The following FUZ variants were observed in gnomAD, a reference collection of about 807,000 sequenced individuals.
FUZ encodes protein fuzzy homolog.
A neutral mutation model predicts 43.1 loss-of-function variants in FUZ; 31 were observed. The observed-to-expected ratio is 0.72, with a 90% CI of 0.54 to 0.97. The LOEUF (loss-of-function observed/expected upper bound fraction) is 0.97, where lower values mean the gene tolerates loss of function less well. FUZ is among the 50% of genes least tolerant of loss of function. The probability of loss-of-function intolerance (pLI) is 0.00; values close to 1 mark genes in which losing one functional copy is unlikely to be tolerated. For missense variants in FUZ, 539 were observed against 543.8 expected (o/e 0.99, Z 0.09); for synonymous variants, 274 against 250.0 (o/e 1.10, Z -0.91).
At chr19:49,807,428 A>G in intron 10 of FUZ, 54 bp from the exon 11 acceptor site, 1 of 1,512,134 alleles carries the variant, frequency 6.6e-7, no homozygotes, top group Non-Finnish European at 9.0e-7. Context: ...AACCTTTGCA[A>G]GCCACACCAC....
chr19:49,807,099 CAGAG>C lies in FUZ; in HGVS notation c.*48_*51del, dbSNP rs767296732. 7.4e-6 allele frequency: 10 copies of C among 1,353,318 alleles called. No individual in the cohort carries two copies. The highest frequency in any genetic ancestry group is 2.3e-5 in the South Asian group (2 of 87,478). 83.8% of individuals were successfully genotyped at this position (1,353,318 alleles called of 1,614,324 possible). A position where few individuals can be genotyped will look rare whatever the true frequency, so the allele number is the denominator to read the frequency against. ...CTGTGTATTATTGTGAGCGAATAAA[CAGAG>C]AGACGCTAACAGCCCCATGTCTGTG... On this transcript the variant is annotated 3_prime_UTR_variant, in exon 11 of 11. Coordinates refer to ENST00000313777, the MANE Select transcript of FUZ (RefSeq NM_025129.5).
intron 1 of FUZ, 29 bp from the exon 2 acceptor site, chr19:49,812,765 G>T: frequency 6.2e-7 from 1 of 1,611,498 alleles, no homozygotes. Context: ...CATCAGACAA[G>T]AGCACCCCCC....
At chr19:49,812,966 C>T (rs1205315217) in intron 1 of FUZ, 30 bp downstream of exon 1, 1 of 1,531,896 alleles carries the variant, frequency 6.5e-7, no homozygotes, top group Non-Finnish European at 8.9e-7. Flanking sequence ...GAACCCCCTT[C>T]GGTTTAGATA....
rs1262357952 is a variant in FUZ at position 49,809,038 on chromosome 19, A to T, written c.786+125T>A. 10 of 1,019,310 alleles carry T rather than the reference A, an allele frequency of 9.8e-6. No homozygotes were observed. Among genetic ancestry groups the T allele is most frequent in the Non-Finnish European group, 1.5e-5 (10 of 667,852 alleles). The allele number at this position is 1,019,310 out of a possible 1,614,324, so 63.1% of individuals were successfully genotyped here. A position where few individuals can be genotyped will look rare whatever the true frequency, so the allele number is the denominator to read the frequency against. On this transcript the variant is annotated intron_variant, in intron 7 of 10. Transcript: ENST00000313777. This position sits in a 1 kb window ranked among gnomAD's most constrained non-coding sequence, Gnocchi z 5.1. ...GCCGATCTTGGCGGGTAGGTGAATG[A>T]CTGGAGCGCAGTCCAGAAGAGGCGG...
intron 2 of FUZ, 63 bp from the exon 3 acceptor site, chr19:49,812,398 G>T: frequency 6.9e-7 from 1 of 1,445,508 alleles, no homozygotes; most frequent in Non-Finnish European, 9.7e-7. Context: ...GTATGTTGGA[G>T]TCCGCCCATT....
intron 2 of FUZ, 66 bp downstream of exon 2, chr19:49,812,549 C>T (rs1472629257): frequency 1.9e-6 from 3 of 1,608,620 alleles, no homozygotes; most frequent in Non-Finnish European, 2.6e-6. Context: ...GGAAGGCCTC[C>T]GGGGTCATCT....
rs557564668 is a variant in FUZ at position 49,812,402 on chromosome 19, G to A, written c.234-67C>T. ...ATCAGGAAGGGGTATGTTGGAGTCCGCCCATTGATCCTAGAACACCAGATA... is the reference window on the plus strand; with the variant it reads ...ATCAGGAAGGGGTATGTTGGAGTCCACCCATTGATCCTAGAACACCAGATA... On this transcript the variant is annotated intron_variant, in intron 2 of 10. Transcript: ENST00000313777. 125 of 1,421,496 alleles carry A rather than the reference G, an allele frequency of 8.8e-5. No individual in the cohort carries two copies. In the East Asian group the frequency reaches 1.7e-3, roughly 19 times the overall value. The allele number at this position is 1,421,496 out of a possible 1,614,324, so 88.1% of individuals were successfully genotyped here.
Position 49,813,157 on chromosome 19 carries a change from G to T in FUZ, c.-51C>A. The stretch of plus-strand genomic sequence containing the variant: ...CGTGGGGACTGTCAGTGCGGGTCTT[G>T]GAGCATGGCGGTAATCAGAGTAACT... On this transcript the variant is annotated 5_prime_UTR_variant, in exon 1 of 11. Transcript: ENST00000313777. 1 of 1,444,058 alleles carries T rather than the reference G, an allele frequency of 6.9e-7. No homozygotes were observed. The highest frequency in any genetic ancestry group is 9.5e-7 in the Non-Finnish European group (1 of 1,049,910). 89.5% of individuals were successfully genotyped at this position (1,444,058 alleles called of 1,614,324 possible).
intron 8 of FUZ, 32 bp downstream of exon 8, chr19:49,808,685 C>G: frequency 6.2e-7 from 1 of 1,604,766 alleles, no homozygotes; most frequent in East Asian, 2.2e-5. Context: ...GAGGACATGA[C>G]CCCCGACCCA....
In FUZ at chr19:49,807,146, G is replaced by A. The variant is rs553048345; in HGVS notation, c.*5C>T. 2.6e-5 allele frequency: 42 copies of A among 1,612,570 alleles called. No homozygotes were observed. Among genetic ancestry groups the A allele is most frequent in the Non-Finnish European group, 3.5e-5 (41 of 1,179,698 alleles). On this transcript the variant is annotated 3_prime_UTR_variant, in exon 11 of 11. Coordinates refer to ENST00000313777, the MANE Select transcript of FUZ (RefSeq NM_025129.5). ...TGTCTGTGTCCATCACCCACTGCTA[G>A]GTAGTCAAAGAAGTGGGGTGAGGGC...
Position 49,809,291 on chromosome 19 carries a change from G to GCCCGGCCCCTTTCCAT in FUZ, c.691-49_691-34dup. On this transcript the variant is annotated intron_variant, in intron 6 of 10. Coordinates refer to ENST00000313777, the MANE Select transcript of FUZ (RefSeq NM_025129.5). This position sits in a 1 kb window ranked among gnomAD's most constrained non-coding sequence, Gnocchi z 5.1. ...AGGGCACAGGCTGGGGCTCATCGCG[G>GCCCGGCCCCTTTCCAT]CCCGGCCCCTTTCCATCGCAGATCC... 1 of 1,549,172 alleles carries GCCCGGCCCCTTTCCAT rather than the reference G, an allele frequency of 6.5e-7. No homozygotes were observed. Among genetic ancestry groups the GCCCGGCCCCTTTCCAT allele is most frequent in the Non-Finnish European group, 8.7e-7 (1 of 1,146,178 alleles).
At chr19:49,812,121 C>T (rs952061655) in intron 3 of FUZ, 130 bp downstream of exon 3, 1 of 755,910 alleles carries the variant, frequency 1.3e-6, no homozygotes, top group Admixed American at 2.0e-5. Context: ...ACAAAACAAA[C>T]AAACAAACAA....
intron 10 of FUZ, chr19:49,808,041 CT>C (rs1239245698): frequency 5.4e-6 from 2 of 370,598 alleles, no homozygotes; most frequent in African/African-American, 4.2e-5. Context: ...AAATATGGCT[CT>C]GCCACTCATG....
rs1363812837 is a variant in FUZ, at chr19:49,807,292, C to A, written c.1116G>T (p.Glu372Asp). ...PRACYLVLGTEEPGTGVRLVA... is the reference protein window; with the variant it reads ...PRACYLVLGTDEPGTGVRLVA... ...CCAGACGCACTCCTGTGCCTGGTTC[C>A]TCAGTCCCCAACACCAGGTAGCAAG... Residue 372 changes from glutamate to aspartate, a missense_variant, in exon 11 of 11, where the codon GAG becomes GAT. By Grantham distance (45) the Glu-to-Asp change is conservative. Coordinates refer to ENST00000313777, the MANE Select transcript of FUZ (RefSeq NM_025129.5). 1 of 1,613,572 alleles carries A rather than the reference C, an allele frequency of 6.2e-7. No homozygotes were observed. The highest frequency in any genetic ancestry group is 2.2e-5 in the East Asian group (1 of 44,826).
Position 49,813,032 on chromosome 19 carries a change from G to A in FUZ, c.75C>T (p.Cys25=), listed in dbSNP as rs1378247519. 3.9e-6 allele frequency: 6 copies of A among 1,551,300 alleles called. No homozygotes were observed. The highest frequency in any genetic ancestry group is 3.6e-5 in the South Asian group (3 of 84,064). The part of the protein sequence containing the change: ...LAASSGVPLF[C]RSSRGGAPAR... ...CGGGGGCGCCGCCGCGACTGCTCCTGCAGAATAGGGGGACCCCGCTGGAGG... is the reference window on the plus strand; with the variant it reads ...CGGGGGCGCCGCCGCGACTGCTCCTACAGAATAGGGGGACCCCGCTGGAGG... Residue 25 remains cysteine, a synonymous_variant, in exon 1 of 11, where the codon TGC becomes TGT. Coordinates refer to ENST00000313777, the MANE Select transcript of FUZ (RefSeq NM_025129.5).
Position 49,807,394 on chromosome 19 carries a change from C to T in FUZ, c.1034-20G>A, listed in dbSNP as rs2073441540. On this transcript the variant is annotated intron_variant, in intron 10 of 10. Transcript: ENST00000313777. ...CTGGCTCTGGAGAAAGAACAGGGGG[C>T]ACTGACATGACAAGTAGCATGCTAA... The T allele has an allele frequency of 6.3e-7, 1 of 1,598,852 alleles. No individual in the cohort carries two copies.
rs1038168545 is a variant in FUZ at position 49,808,947 on chromosome 19, G to C, written c.787-124C>G. On this transcript the variant is annotated intron_variant, in intron 7 of 10. Coordinates refer to ENST00000313777, the MANE Select transcript of FUZ (RefSeq NM_025129.5). ...GGGCGGGGCCTGCAAGAAGAGTGGA[G>C]GGCGGAGGGCAGAAGGGACTGGGGA... The C allele has an allele frequency of 1.8e-5, 16 of 898,124 alleles. No homozygotes were observed. In the African/African-American group the frequency reaches 2.5e-4, roughly 14 times the overall value. The allele number at this position is 898,124 out of a possible 1,614,324, so 55.6% of individuals were successfully genotyped here.
rs2073830983 is a variant in FUZ, at chr19:49,812,294, T to C, written c.275A>G (p.Glu92Gly). The C allele has an allele frequency of 1.2e-6, 2 of 1,613,888 alleles. No homozygotes were observed. Among genetic ancestry groups the C allele is most frequent in the Non-Finnish European group, 8.5e-7 (1 of 1,179,970 alleles). ...TTGGAGTAGTCTCTCCAGCCTCAGCTCAGAGATGCCCACCTCAGATGACAG... is the reference window on the plus strand; with the variant it reads ...TTGGAGTAGTCTCTCCAGCCTCAGCCCAGAGATGCCCACCTCAGATGACAG... ...IVLSSEVGIS[E>G]LRLERLLQMV... Residue 92 changes from glutamate (E) to glycine (G), a missense_variant, in exon 3 of 11, where the codon GAG (glutamate) becomes GGG (glycine). Coordinates refer to ENST00000313777, the MANE Select transcript of FUZ (RefSeq NM_025129.5).
chr19:49,809,407 G>GGTAGTCGCGAGCGGTCTGC lies in FUZ; in HGVS notation c.642_660dup (p.Pro221AlafsTer105). 6.5e-7 allele frequency: 1 copy of GGTAGTCGCGAGCGGTCTGC among 1,543,586 alleles called. No homozygotes were observed. The highest frequency in any genetic ancestry group is 8.7e-7 in the Non-Finnish European group (1 of 1,146,846). ...GGGCTCCCGTGCGGCAGGTACACCGGGTAGTCGCGAGCGGTCTGCGGCGGC... is the reference window on the plus strand; with the variant it reads ...GGGCTCCCGTGCGGCAGGTACACCGGGTAGTCGCGAGCGGTCTGCGTAGTCGCGAGCGGTCTGCGGCGGC... On this transcript the variant is annotated frameshift_variant, in exon 6 of 11. Transcript: ENST00000313777. LOFTEE classifies it high-confidence loss of function. The surrounding 1 kb of genome is among the most constrained non-coding windows in gnomAD (Gnocchi z 5.1).
Sources: allele counts gnomAD v4.1 joint callset, GRCh38; gene constraint gnomAD v4.1.1; non-coding constraint Gnocchi (gnomAD v3.1); transcripts MANE v1.5; gene names NCBI Gene and HGNC (gene_info 2026-07-23, HGNC 2026-07-21).